MLC1: variants seen among roughly 807,000 people sequenced by gnomAD.
MLC1 encodes the protein modulator of VRAC current 1.
MLC1 carries 32 observed loss-of-function variants against 44.7 expected under a neutral mutation model. The observed-to-expected ratio is 0.72, with a 90% CI of 0.54 to 0.96. The LOEUF (loss-of-function observed/expected upper bound fraction) is 0.96, where lower values mean the gene tolerates loss of function less well. Ranked by LOEUF, MLC1 falls within the 40% of genes least tolerant of loss-of-function variation. The pLI, the probability that MLC1 is intolerant of heterozygous loss-of-function variation, is 0.00. For synonymous variants in MLC1, 190 were observed against 213.0 expected, an observed-to-expected ratio of 0.89 and a Z score of 0.94; for missense variants, 459 against 492.2, an observed-to-expected ratio of 0.93 and a Z score of 0.64.
chr22:50,075,922 C>T (rs1190072504), intron 7 of MLC1, among the ~76,000 whole-genome samples: 1 of 152,032 alleles, frequency 6.6e-6, no homozygotes, highest in Non-Finnish European at 1.5e-5. Context: ...GGGACAGACC[C>T]CGCATGGTCT....
At position 50,064,190 on chromosome 22, in the gene MLC1, G is replaced by A. The variant is rs764754702; in HGVS notation, c.903C>T (p.Tyr301=). 129 of 1,598,132 alleles carry A rather than the reference G, an allele frequency of 8.1e-5. No homozygotes were observed. The highest frequency in any genetic ancestry group is 1.0e-4 in the Non-Finnish European group (119 of 1,177,712). The change falls in exon 11 of 12, where the codon TAC becomes TAT. Residue 301 remains tyrosine, a synonymous_variant. Coordinates refer to ENST00000311597, the MANE Select transcript of MLC1 (RefSeq NM_015166.4). ...GCAGCAGCAGCAGCAGCAGCACATC[G>A]TAGGATGGCTGCAGGCGGAAGGAGG... ...KDYPPAIKPS[Y]DVLLLLLLLV...
Position 50,083,294 on chromosome 22 carries a change from A to G in MLC1, c.178-121T>C, listed in dbSNP as rs543333279. ...GACTCACCCACGTCCCCCAGCATCA[A>G]CCACACCCGCACCTGGGACCCGCCC... is the stretch of plus-strand genomic sequence containing the variant. On this transcript the variant is annotated intron_variant, in intron 2 of 11. Coordinates refer to ENST00000311597, the MANE Select transcript of MLC1 (RefSeq NM_015166.4). The surrounding 1 kb of genome is among the most constrained non-coding windows in gnomAD (Gnocchi z 4.6). 5.1e-5 allele frequency: 45 copies of G among 880,254 alleles called. No individual in the cohort carries two copies. In the Middle Eastern group the frequency reaches 8.3e-4, roughly 16 times the overall value. 54.5% of individuals were successfully genotyped at this position (880,254 alleles called of 1,614,324 possible). A position where few individuals can be genotyped will look rare whatever the true frequency, so the allele number is the denominator to read the frequency against.
In MLC1 at chr22:50,070,588, G is replaced by C; in HGVS notation, c.715-5C>G. On this transcript the variant is annotated splice_region_variant and splice_polypyrimidine_tract_variant and intron_variant, in intron 8 of 11. Coordinates refer to ENST00000311597, the MANE Select transcript of MLC1 (RefSeq NM_015166.4). ...GGCAATGGCACTTGGAAAGCACTAAGAGAAAAGAAAAAGGAAAGATTTTAG... is the reference window on the plus strand; with the variant it reads ...GGCAATGGCACTTGGAAAGCACTAACAGAAAAGAAAAAGGAAAGATTTTAG... The C allele has an allele frequency of 1.3e-6, 2 of 1,559,760 alleles. No individual in the cohort carries two copies. Among genetic ancestry groups the C allele is most frequent in the Non-Finnish European group, 1.7e-6 (2 of 1,151,090 alleles).
At chr22:50,067,735 G>C (rs1281636212) in intron 10 of MLC1, among the ~76,000 whole-genome samples, 3 of 105,994 alleles carry the variant, frequency 2.8e-5, no homozygotes. Flanking sequence ...CCATCCATCA[G>C]ACAGTGACTC....
intron 8 of MLC1, among the ~76,000 whole-genome samples, chr22:50,073,124 G>A (rs7288941): frequency 3.0e-5 from 4 of 135,344 alleles, no homozygotes; most frequent in South Asian, 4.8e-4. Flanking sequence ...GCCCCTTCTC[G>A]GCAGTCCACC....
chr22:50,081,009 A>AAAAGGAAGAAAGAAAGAAAG (rs1555967990), intron 3 of MLC1, among the ~76,000 whole-genome samples: 29 of 96,740 alleles, frequency 3.0e-4, no homozygotes, highest in Non-Finnish European at 4.0e-4. Context: ...TTGTCTCAAA[A>AAAAGGAAGAAAGAAAGAAAG]AAAGAAAGAA....
At position 50,064,096 on chromosome 22, in the gene MLC1, C is replaced by T; in HGVS notation, c.997G>A (p.Ala333Thr). The change falls in exon 11 of 12, where the codon GCA (alanine) becomes ACA (threonine). Residue 333 changes from alanine to threonine, a missense_variant. Ala to Thr is a moderately conservative substitution (Grantham distance 58). Coordinates refer to ENST00000311597, the MANE Select transcript of MLC1 (RefSeq NM_015166.4). ...AIQCVRFKVS[A>T]RLQGASWDTQ... ...TCCCAGGATGCACCCTGCAGCCTTG[C>T]ACTGACCTTGAAGCGCACGCACTGG... 2 of 1,607,236 alleles carry T rather than the reference C, an allele frequency of 1.2e-6. No homozygotes were observed. Among genetic ancestry groups the T allele is most frequent in the South Asian group, 1.1e-5 (1 of 90,752 alleles).
intron 3 of MLC1, among the ~76,000 whole-genome samples, chr22:50,080,916 C>T (rs998416339): frequency 1.3e-5 from 2 of 151,212 alleles, no homozygotes; most frequent in Admixed American, 6.6e-5. Context: ...CCAACTACTC[C>T]GGAGGCTGAG....
chr22:50,083,110 C>A lies in MLC1; in HGVS notation c.241G>T (p.Asp81Tyr), dbSNP rs140759469. 6.2e-7 allele frequency: 1 copy of A among 1,614,008 alleles called. No individual in the cohort carries two copies. Among genetic ancestry groups the A allele is most frequent in the Non-Finnish European group, 8.5e-7 (1 of 1,180,022 alleles). Reference sequence around the variant, plus strand: ...GAGCCTGCAGCACAGCGCAAGTAATCCATCTCAGCCGGGAACACGTTCCCC... The same window carrying A: ...GAGCCTGCAGCACAGCGCAAGTAATACATCTCAGCCGGGAACACGTTCCCC... ...YLGNVFPAEM[D>Y]YLRCAAGSCI... Residue 81 changes from aspartate to tyrosine, a missense_variant, in exon 3 of 12, where the codon GAT (aspartate) becomes TAT (tyrosine). Coordinates refer to ENST00000311597, the MANE Select transcript of MLC1 (RefSeq NM_015166.4). This position sits in a 1 kb window ranked among gnomAD's most constrained non-coding sequence, Gnocchi z 4.6.
At chr22:50,075,019 C>T (rs1354702862) in intron 7 of MLC1, among the ~76,000 whole-genome samples, 1 of 152,212 alleles carries the variant, frequency 6.6e-6, no homozygotes, top group Non-Finnish European at 1.5e-5. Context: ...ACCTCCAGCT[C>T]GCCCTTGAAT....
At chr22:50,078,365 TATG>T (rs1265684428) in intron 5 of MLC1, among the ~76,000 whole-genome samples, 1 of 152,280 alleles carries the variant, frequency 6.6e-6, no homozygotes, top group African/African-American at 2.4e-5. Flanking sequence ...CCTCGAAATA[TATG>T]ATGTCATAAC....
chr22:50,070,970 A>T (rs1431736717), intron 8 of MLC1, among the ~76,000 whole-genome samples: 1 of 152,168 alleles, frequency 6.6e-6, no homozygotes, highest in Non-Finnish European at 1.5e-5. Context: ...GGCTGAGCCC[A>T]GGGCACACTC....
At chr22:50,062,045 C>T (rs2061570920) in intron 11 of MLC1, among the ~76,000 whole-genome samples, 1 of 152,148 alleles carries the variant, frequency 6.6e-6, no homozygotes, top group Non-Finnish European at 1.5e-5. Flanking sequence ...GGGAGGACAG[C>T]GCCAGCCCCA....
At chr22:50,077,601 C>T (rs2062017200) in intron 5 of MLC1, 99 bp from the exon 6 acceptor site, 1 of 947,870 alleles carries the variant, frequency 1.1e-6, no homozygotes. Flanking sequence ...CTGCGCAGGA[C>T]TCTCAGCCAC....
At chr22:50,061,753 G>A (rs1232034149) in intron 11 of MLC1, 96 bp from the exon 12 acceptor site, 74 of 1,154,512 alleles carry the variant, frequency 6.4e-5, no homozygotes, top group Middle Eastern at 3.8e-4. Flanking sequence ...AGCAGCCAGC[G>A]TTCAGAAGTT....
In MLC1 at chr22:50,077,425, G is replaced by T; in HGVS notation, c.501C>A (p.Ser167Arg). ...CCTTCTTTTTCTTGCAGTCCTCCTC[G>T]CTGGACCGTGCAGCGATGATCACCG... is the stretch of plus-strand genomic sequence containing the variant. ...AATVIIAARS[S>R]EEDCKKKKGS... The change falls in exon 6 of 12, where the codon AGC (serine) becomes AGA (arginine). Residue 167 changes from serine to arginine, a missense_variant. Ser to Arg is a moderately radical substitution (Grantham distance 110). Transcript: ENST00000311597. 6.2e-7 allele frequency: 1 copy of T among 1,613,838 alleles called. No homozygotes were observed. Among genetic ancestry groups the T allele is most frequent in the African/African-American group, 1.3e-5 (1 of 75,034 alleles).
intron 9 of MLC1, among the ~76,000 whole-genome samples, 170 bp from the exon 10 acceptor site, chr22:50,068,725 CTTTTTT>C (rs765426637): frequency 1.7e-4 from 18 of 105,256 alleles, no homozygotes; most frequent in African/African-American, 3.6e-4. Context: ...TTTTCTTTTT[CTTTTTT>C]TTTTTTTTTT....
At chr22:50,082,142 C>T (rs919433267) in intron 3 of MLC1, among the ~76,000 whole-genome samples, 2 of 151,892 alleles carry the variant, frequency 1.3e-5, no homozygotes, top group African/African-American at 4.8e-5. Context: ...GGGGAGAGCT[C>T]GGGACCAGCT....
rs577834474 is a variant in MLC1, at chr22:50,061,954, G to A, written c.1060-297C>T. 4.1e-4 allele frequency among the ~76,000 whole-genome samples: 62 copies of A among 152,338 alleles called. 1 individual carries two copies. The highest frequency in any genetic ancestry group is 1.5e-3 in the African/African-American group (61 of 41,572). ...GCTCTGGGGCGGGGAGCGGGGGGAG[G>A]CCGCCCAAGGTTGGGCATGTGCCTG... On this transcript the variant is annotated intron_variant, in intron 11 of 11. Transcript: ENST00000311597.
Sources: gnomAD v4.1 joint callset for allele counts (sites outside exome capture counted in the v4.1 genomes callset) on GRCh38, gnomAD v4.1.1 for gene constraint, Gnocchi (gnomAD v3.1) non-coding constraint, MANE v1.5 for transcripts, NCBI Gene and HGNC (gene_info 2026-07-23, HGNC 2026-07-21) for gene names.